The following TAX1BP3 variants were observed in gnomAD, a reference collection of about 807,000 sequenced individuals.
TAX1BP3 encodes the protein tax1-binding protein 3.
TAX1BP3 carries 13 observed loss-of-function variants against 15.3 expected under a neutral mutation model. That is an observed-to-expected ratio of 0.85 (90% confidence interval 0.55 to 1.35). The LOEUF is 1.35. TAX1BP3 is among the 40% of genes most tolerant of loss of function. The probability of loss-of-function intolerance (pLI) is 0.00; values close to 1 mark genes in which losing one functional copy is unlikely to be tolerated. For missense variants in TAX1BP3, 147 were observed against 169.6 expected (o/e 0.87, Z 0.74); for synonymous variants, 70 against 66.0 (o/e 1.06, Z -0.30).
chr17:3,664,028 GAC>G (rs2076311004), intron 3 of TAX1BP3, 143 bp from the exon 4 acceptor site: 1 of 1,445,770 alleles, frequency 6.9e-7, no homozygotes, highest in Non-Finnish European at 9.3e-7. Flanking sequence ...CTGTGGCTGA[GAC>G]ACACAGGAGA....
At chr17:3,664,598 A>G in intron 2 of TAX1BP3, 81 bp downstream of exon 2, 1 of 1,549,674 alleles carries the variant, frequency 6.5e-7, no homozygotes, top group Non-Finnish European at 8.9e-7. Context: ...TGTTCCTTCC[A>G]TGCAGGCCCA....
intron 1 of TAX1BP3, chr17:3,665,174 G>A: frequency 1.1e-6 from 1 of 886,160 alleles, no homozygotes; most frequent in African/African-American, 1.7e-5. Context: ...GGAGAGGAAG[G>A]GGTTTCCTTT....
chr17:3,664,050 C>A, intron 3 of TAX1BP3, 145 bp downstream of exon 3: 1 of 1,419,824 alleles, frequency 7.0e-7, no homozygotes, highest in South Asian at 1.3e-5. Context: ...AGAAAGCCAG[C>A]GTCCTCTGGG....
At chr17:3,665,568 AAAG>A (rs2142991754) in intron 1 of TAX1BP3, 1 of 1,364,436 alleles carries the variant, frequency 7.3e-7, no homozygotes, top group South Asian at 1.2e-5. Flanking sequence ...TCAGAAAAAG[AAAG>A]AAGCCAAAGA....
At position 3,664,691 on chromosome 17, in the gene TAX1BP3, G is replaced by C; in HGVS notation, c.147C>G (p.Asp49Glu). The C allele has an allele frequency of 6.2e-7, 1 of 1,613,840 alleles. No homozygotes were observed. Among genetic ancestry groups the C allele is most frequent in the Non-Finnish European group, 8.5e-7 (1 of 1,179,940 alleles). The stretch of plus-strand genomic sequence containing the variant: ...CAGACCCCCTCACCTTGTCCGTCTT[G>C]TCTTCAGAGAAGGGATTCTGGGAAG... ...QDPSQNPFSE[D>E]KTDKGIYVTR... Residue 49 changes from aspartate (D) to glutamate (E), a missense_variant, in exon 2 of 4, where the codon GAC becomes GAG. Transcript: ENST00000225525.
intron 2 of TAX1BP3, 29 bp from the exon 3 acceptor site, chr17:3,664,301 TGTG>T: frequency 1.2e-6 from 2 of 1,613,304 alleles, no homozygotes; most frequent in Non-Finnish European, 1.7e-6. Context: ...AGTCAAGCCC[TGTG>T]GTCACTGGAC....
chr17:3,664,663 C>T lies in TAX1BP3; in HGVS notation c.159+16G>A. On this transcript the variant is annotated intron_variant, in intron 2 of 3. Transcript: ENST00000225525. ...TGTGCCCCATGGAGCGGTCCCAGGA[C>T]CCCAGACCCCCTCACCTTGTCCGTC... is the stretch of plus-strand genomic sequence containing the variant. 1.2e-6 allele frequency: 2 copies of T among 1,613,614 alleles called. No individual in the cohort carries two copies. Among genetic ancestry groups the T allele is most frequent in the Non-Finnish European group, 8.5e-7 (1 of 1,179,888 alleles).
In TAX1BP3 at chr17:3,663,544, G is replaced by A. The variant is rs1162139210; in HGVS notation, c.*204C>T. 3.1e-5 allele frequency: 20 copies of A among 653,290 alleles called. No individual in the cohort carries two copies. The highest frequency in any genetic ancestry group is 7.1e-5 in the Admixed American group (2 of 28,322). 40.5% of individuals were successfully genotyped at this position (653,290 alleles called of 1,614,324 possible). On this transcript the variant is annotated 3_prime_UTR_variant, in exon 4 of 4. Coordinates refer to ENST00000225525, the MANE Select transcript of TAX1BP3 (RefSeq NM_014604.4). ...CTCCAGGCCCTTATTTCCAATCCTCGGTGTCCAGGAGAGAAAGCCGGTCCC... is the reference window on the plus strand; with the variant it reads ...CTCCAGGCCCTTATTTCCAATCCTCAGTGTCCAGGAGAGAAAGCCGGTCCC...
chr17:3,666,724 C>T (rs767046068), intron 1 of TAX1BP3, among the ~76,000 whole-genome samples: 54 of 152,238 alleles, frequency 3.5e-4, no homozygotes, highest in Admixed American at 1.8e-3. Context: ...TGTCCAGGCA[C>T]GTTCCTGGTG....
chr17:3,664,167 G>A (rs2235107), intron 3 of TAX1BP3, 28 bp downstream of exon 3: 1,403,032 of 1,613,676 alleles, frequency 0.87, 611,862 homozygotes, highest in Non-Finnish European at 0.89. Flanking sequence ...CCCAAACCTT[G>A]TTTCTCCTCC....
At chr17:3,665,349 G>A in intron 1 of TAX1BP3, 2 of 1,291,448 alleles carry the variant, frequency 1.5e-6, no homozygotes, top group East Asian at 2.3e-5. Flanking sequence ...AGACATCAAG[G>A]GAATGGGTAC....
intron 1 of TAX1BP3, among the ~76,000 whole-genome samples, chr17:3,666,324 G>A (rs2076339494): frequency 6.6e-6 from 1 of 152,194 alleles, no homozygotes; most frequent in East Asian, 1.9e-4. Flanking sequence ...TGACCACTCA[G>A]GTAATCAGTA....
intron 1 of TAX1BP3, chr17:3,665,824 G>A (rs968618970): frequency 2.1e-5 from 13 of 620,786 alleles, no homozygotes; most frequent in African/African-American, 5.5e-5. Flanking sequence ...CCGTGGATAC[G>A]TGTTCGTGAG....
In TAX1BP3 at chr17:3,665,236, G is replaced by A; in HGVS notation, c.40-438C>T. On this transcript the variant is annotated intron_variant, in intron 1 of 3. Transcript: ENST00000225525. Reference sequence around the variant, plus strand: ...TTCGCCAAAATGACGAACACAAAGGGAAAGAGGAGAGGCACCGGATATATG... The same window carrying A: ...TTCGCCAAAATGACGAACACAAAGGAAAAGAGGAGAGGCACCGGATATATG... The A allele has an allele frequency of 2.9e-6, 4 of 1,378,150 alleles. No homozygotes were observed. In the East Asian group the frequency reaches 6.8e-5, roughly 24 times the overall value. 85.4% of individuals were successfully genotyped at this position (1,378,150 alleles called of 1,614,324 possible).
intron 2 of TAX1BP3, 126 bp from the exon 3 acceptor site, chr17:3,664,398 A>G (rs569235338): frequency 1.1e-5 from 13 of 1,162,114 alleles, no homozygotes; most frequent in Admixed American, 7.9e-5. Context: ...CCCAGCACAT[A>G]TGGTCAGTGA....
At chr17:3,667,628 C>T (rs2076356291) in intron 1 of TAX1BP3, among the ~76,000 whole-genome samples, 2 of 150,738 alleles carry the variant, frequency 1.3e-5, no homozygotes, top group Admixed American at 6.6e-5. Flanking sequence ...ATTCTCTGAA[C>T]GCTGTCGGGA....
intron 1 of TAX1BP3, among the ~76,000 whole-genome samples, chr17:3,666,446 G>A (rs2076340192): frequency 6.6e-6 from 1 of 152,144 alleles, no homozygotes. Context: ...GAGTCAAGAG[G>A]AGCACCCAGC....
At chr17:3,665,164 G>C (rs1295566893) in intron 1 of TAX1BP3, 2 of 855,726 alleles carry the variant, frequency 2.3e-6, no homozygotes, top group Non-Finnish European at 3.9e-6. Context: ...TGCATAGAAA[G>C]GAGAGGAAGG....
At chr17:3,666,197 G>A (rs994643263) in intron 1 of TAX1BP3, among the ~76,000 whole-genome samples, 8 of 152,224 alleles carry the variant, frequency 5.3e-5, no homozygotes, top group Non-Finnish European at 1.0e-4. Context: ...TTTCCCAAAG[G>A]GAGGATTATT....
Sources: allele counts gnomAD v4.1 joint callset (sites outside exome capture counted in the v4.1 genomes callset), GRCh38; gene constraint gnomAD v4.1.1; transcripts MANE v1.5; gene names NCBI Gene and HGNC (gene_info 2026-07-23, HGNC 2026-07-21).